Variants in SUGCT observed in about 807,000 individuals in gnomAD.
The protein encoded by SUGCT is succinyl-CoA:glutarate CoA-transferase.
In SUGCT, 41 loss-of-function variants were observed where a neutral mutation model predicts 55.0. The ratio of observed to expected loss-of-function variants is 0.74; its 90% CI spans 0.58 to 0.97. The LOEUF is 0.97. Among genes scored for constraint, SUGCT ranks in the 50% least tolerant of loss-of-function variants. The probability of loss-of-function intolerance (pLI) is 0.00; values close to 1 mark genes in which losing one functional copy is unlikely to be tolerated. For missense variants in SUGCT, 568 were observed against 547.8 expected, an observed-to-expected ratio of 1.04 and a Z score of -0.37; for synonymous variants, 187 against 200.4, an observed-to-expected ratio of 0.93 and a Z score of 0.56.
chr7:40,548,714 T>C (rs962181460), intron 12 of SUGCT, among the ~76,000 whole-genome samples: 1 of 152,120 alleles, frequency 6.6e-6, no homozygotes, highest in Non-Finnish European at 1.5e-5. Context: ...ACATTAGAAC[T>C]CACTCTTTGT....
At chr7:40,897,426 GACACAC>G in the SUGCT span, among the ~76,000 whole-genome samples, 44,250 of 148,734 alleles carry the variant, frequency 0.3, 7,119 homozygotes, top group East Asian at 0.44. Flanking sequence ...AATAAAGCTG[GACACAC>G]ACACACACAC....
intron 13 of SUGCT, among the ~76,000 whole-genome samples, chr7:40,803,712 C>A (rs1013099924): frequency 2.6e-5 from 4 of 152,150 alleles, no homozygotes; most frequent in African/African-American, 7.2e-5. Flanking sequence ...TGCAACTAGA[C>A]ACAAATTCTT....
intron 6 of SUGCT, among the ~76,000 whole-genome samples, chr7:40,221,867 T>A (rs866649538): frequency 2.0e-5 from 3 of 152,222 alleles, no homozygotes; most frequent in African/African-American, 7.2e-5. Context: ...AAATTTATAA[T>A]CTGATGGCAA....
chr7:40,781,361 A>T (rs892101122), intron 13 of SUGCT, among the ~76,000 whole-genome samples: 13 of 152,148 alleles, frequency 8.5e-5, no homozygotes, highest in African/African-American at 2.7e-4. Flanking sequence ...AAAGATAAGT[A>T]ACAATCGAAT....
rs1208894520 is a variant in SUGCT, at chr7:40,377,127, CCTCTTTCTTTCTTTCTTT to C, written c.816+60275_816+60292del. 2.6e-3 allele frequency among the ~76,000 whole-genome samples: 15 copies of C among 5,878 alleles called. 6 individuals are homozygous for C. Among genetic ancestry groups the C allele is most frequent in the African/African-American group, 4.4e-3 (15 of 3,398 alleles). 3.9% of individuals were successfully genotyped at this position (5,878 alleles called of 152,430 possible). On this transcript the variant is annotated intron_variant, in intron 9 of 13. Transcript: ENST00000335693. ...ACTTGGAAAGGAAATTTTCAGCCTT[CCTCTTTCTTTCTTTCTTT>C]CTTTCTTTCTTTCTTTCTTTCTTTC...
chr7:40,812,544 T>C (rs944625048), intron 13 of SUGCT, among the ~76,000 whole-genome samples: 3 of 152,288 alleles, frequency 2.0e-5, no homozygotes, highest in Non-Finnish European at 1.5e-5. Flanking sequence ...GAGGATCTTT[T>C]GTATTTCTAT....
chr7:40,704,386 C>A (rs1013439028), intron 12 of SUGCT, among the ~76,000 whole-genome samples: 6 of 151,724 alleles, frequency 4.0e-5, no homozygotes, highest in Non-Finnish European at 7.3e-5. Context: ...CTTACAAGCA[C>A]GCCATTACCT....
chr7:40,395,631 A>T (rs916539829), intron 9 of SUGCT, among the ~76,000 whole-genome samples: 15 of 152,024 alleles, frequency 9.9e-5, no homozygotes, highest in Non-Finnish European at 2.2e-4. Context: ...TATCTGCTTT[A>T]AGCCATATTC....
At chr7:40,486,384 A>G (rs774568527) in intron 11 of SUGCT, among the ~76,000 whole-genome samples, 2 of 151,928 alleles carry the variant, frequency 1.3e-5, no homozygotes, top group African/African-American at 4.8e-5. Flanking sequence ...TGGACCCCTC[A>G]ATGATTTGTT....
chr7:40,637,652 G>A (rs1394722947), intron 12 of SUGCT, among the ~76,000 whole-genome samples: 2 of 152,186 alleles, frequency 1.3e-5, no homozygotes, highest in African/African-American at 4.8e-5. Context: ...CCACAGCTTA[G>A]TCTCTCCATG....
intron 11 of SUGCT, among the ~76,000 whole-genome samples, chr7:40,489,732 A>AC (rs1176099635): frequency 5.9e-5 from 9 of 152,070 alleles, no homozygotes; most frequent in East Asian, 1.9e-4. Context: ...ACAAAACAAA[A>AC]AACACACACA....
chr7:40,581,904 A>T (rs938222820), intron 12 of SUGCT, among the ~76,000 whole-genome samples: 5 of 152,210 alleles, frequency 3.3e-5, no homozygotes, highest in African/African-American at 1.2e-4. Flanking sequence ...AGAAGAGACT[A>T]TTGGGCACAG....
intron 12 of SUGCT, among the ~76,000 whole-genome samples, chr7:40,526,365 A>G (rs184332026): frequency 9.0e-4 from 137 of 152,308 alleles, no homozygotes; most frequent in African/African-American, 3.1e-3. Flanking sequence ...TGTTTTCACC[A>G]TCAGGATTCA....
chr7:40,723,018 A>G (rs545199019), intron 12 of SUGCT, among the ~76,000 whole-genome samples: 24 of 152,298 alleles, frequency 1.6e-4, no homozygotes, highest in African/African-American at 5.5e-4. Flanking sequence ...ACAGAAAGCA[A>G]ACTGGCAGAG....
chr7:40,351,454 T>C (rs1797627043), intron 9 of SUGCT, among the ~76,000 whole-genome samples: 1 of 152,194 alleles, frequency 6.6e-6, no homozygotes, highest in South Asian at 2.1e-4. Flanking sequence ...GAGTGGATTA[T>C]TTATTTAGGA....
At chr7:40,459,039 A>G in intron 10 of SUGCT, 62 bp from the exon 11 acceptor site, 4 of 1,033,028 alleles carry the variant, frequency 3.9e-6, no homozygotes, top group Admixed American at 3.7e-5. Flanking sequence ...GAACACTAGC[A>G]CCCACAGGCA....
At chr7:40,749,308 G>A in intron 12 of SUGCT, 126 bp from the exon 13 acceptor site, 1 of 761,552 alleles carries the variant, frequency 1.3e-6, no homozygotes, top group East Asian at 2.5e-5. Context: ...AAATGAAAAT[G>A]TTAAACACTT....
intron 13 of SUGCT, among the ~76,000 whole-genome samples, chr7:40,817,662 A>G (rs1448379779): frequency 6.6e-6 from 1 of 152,212 alleles, no homozygotes; most frequent in Non-Finnish European, 1.5e-5. Context: ...TTAGGATTCA[A>G]ATGGAGGTTG....
chr7:40,225,291 T>C (rs1051471672), intron 6 of SUGCT, among the ~76,000 whole-genome samples: 5 of 152,166 alleles, frequency 3.3e-5, no homozygotes, highest in Admixed American at 6.5e-5. Flanking sequence ...CTTCTTAGTA[T>C]TACATTTCAG....
Sources: gnomAD v4.1 joint callset for allele counts (sites outside exome capture counted in the v4.1 genomes callset) on GRCh38, gnomAD v4.1.1 for gene constraint, MANE v1.5 for transcripts, NCBI Gene and HGNC (gene_info 2026-07-23, HGNC 2026-07-21) for gene names.